Variants in FAM124A observed in about 807,000 individuals in gnomAD.
FAM124A encodes protein FAM124A.
FAM124A carries 23 observed loss-of-function variants against 24.5 expected under a neutral mutation model. The observed-to-expected ratio is 0.94, with a 90% CI of 0.68 to 1.33. FAM124A has a LOEUF of 1.33. Ranked by LOEUF, FAM124A falls within the 40% of genes most tolerant of loss-of-function variation. The probability of loss-of-function intolerance (pLI) is 0.00; values close to 1 mark genes in which losing one functional copy is unlikely to be tolerated. For synonymous variants in FAM124A, 287 were observed against 314.7 expected, an observed-to-expected ratio of 0.91 and a Z score of 0.93; for missense variants, 623 against 722.8, an observed-to-expected ratio of 0.86 and a Z score of 1.58.
chr13:51,265,839 T>C (rs367768996), intron 3 of FAM124A, among the ~76,000 whole-genome samples: 4 of 152,290 alleles, frequency 2.6e-5, no homozygotes, highest in African/African-American at 4.8e-5. Context: ...CTGACTGAGA[T>C]AGGAATTCAA....
rs143315968 is a variant in FAM124A at position 51,281,224 on chromosome 13, G to A, written c.1609G>A (p.Gly537Arg). 44 of 1,592,210 alleles carry A rather than the reference G, an allele frequency of 2.8e-5. No individual in the cohort carries two copies. The African/African-American group carries it at 3.0e-4, about 11-fold the overall frequency. The change falls in exon 4 of 4, where the codon GGG becomes AGG. Residue 537 changes from glycine to arginine, a missense_variant. By Grantham distance (125) the Gly-to-Arg change is moderately radical. Coordinates refer to ENST00000322475, the MANE Select transcript of FAM124A (RefSeq NM_001242312.2). Reference sequence around the variant, plus strand: ...ACCACCCCCAGGGTCGGCTGGCCCCGGGGATAACGACATGGAGGAATTCTA... The same window carrying A: ...ACCACCCCCAGGGTCGGCTGGCCCCAGGGATAACGACATGGAGGAATTCTA... ...MPPPPGSAGP[G>R]DNDMEEFYI is the part of the protein sequence containing the mutation.
At chr13:51,254,983 G>C (rs560440189) in intron 3 of FAM124A, among the ~76,000 whole-genome samples, 3 of 152,076 alleles carry the variant, frequency 2.0e-5, no homozygotes, top group East Asian at 3.9e-4. Context: ...CCAAAGAAAA[G>C]ATTCTTCCTC....
At chr13:51,274,212 A>G (rs1247194379) in intron 3 of FAM124A, among the ~76,000 whole-genome samples, 1 of 152,172 alleles carries the variant, frequency 6.6e-6, no homozygotes, top group Non-Finnish European at 1.5e-5. Flanking sequence ...AGTATCTCCT[A>G]GGATCCTTGC....
At chr13:51,268,363 A>G (rs1164539905) in intron 3 of FAM124A, among the ~76,000 whole-genome samples, 3 of 152,242 alleles carry the variant, frequency 2.0e-5, no homozygotes, top group Non-Finnish European at 4.4e-5. Context: ...TATTGAGTGA[A>G]GAAATAATTT....
Position 51,280,464 on chromosome 13 carries a change from T to A in FAM124A, c.849T>A (p.His283Gln). 1 of 1,606,190 alleles carries A rather than the reference T, an allele frequency of 6.2e-7. No homozygotes were observed. The highest frequency in any genetic ancestry group is 8.5e-7 in the Non-Finnish European group (1 of 1,175,292). Residue 283 changes from histidine to glutamine, a missense_variant, in exon 4 of 4, where the codon CAT becomes CAA. Physicochemically the swap from His to Gln is conservative, Grantham distance 24 (BLOSUM62 0). Coordinates refer to ENST00000322475, the MANE Select transcript of FAM124A (RefSeq NM_001242312.2). ...TCCCCCCACAGGCACAAAGGGTGCA[T>A]AAGAAGTTTCCTAAACCTGGCAGAG... is the stretch of plus-strand genomic sequence containing the variant. ...NKILLQAQRV[H>Q]KKFPKPGRVH...
At chr13:51,231,210 G>A (rs1246368464) in intron 1 of FAM124A, 138 bp from the exon 2 acceptor site, 2 of 865,088 alleles carry the variant, frequency 2.3e-6, no homozygotes, top group African/African-American at 3.4e-5. Context: ...TGCATAAAAT[G>A]AGCCTTAGCA....
At chr13:51,238,881 A>G (rs1320326143) in intron 2 of FAM124A, among the ~76,000 whole-genome samples, 1 of 152,254 alleles carries the variant, frequency 6.6e-6, no homozygotes, top group Non-Finnish European at 1.5e-5. Context: ...TAAGGACAGT[A>G]TATGACACAG....
At position 51,258,546 on chromosome 13, in the gene FAM124A, A is replaced by G. The variant is rs1193474445; in HGVS notation, c.834+6345A>G. Among the ~76,000 whole-genome samples, 14 of 152,182 alleles carry G rather than the reference A, an allele frequency of 9.2e-5. No homozygotes were observed. The highest frequency in any genetic ancestry group is 9.2e-4 in the Admixed American group (14 of 15,286). ...ATGCCAGGCTTCACCTTTCAGAGCA[A>G]TGGAGATGGCAGACATGCAAACCAA... On this transcript the variant is annotated intron_variant, in intron 3 of 3. Coordinates refer to ENST00000322475, the MANE Select transcript of FAM124A (RefSeq NM_001242312.2). The surrounding 1 kb of genome is among the most constrained non-coding windows in gnomAD (Gnocchi z 4.2).
chr13:51,243,359 C>T (rs12860899), intron 2 of FAM124A, among the ~76,000 whole-genome samples: 12,942 of 152,124 alleles, frequency 0.085, 795 homozygotes, highest in South Asian at 0.28. Context: ...CATTACATTC[C>T]GGATGAATAG....
chr13:51,230,760 G>A (rs988603448), intron 1 of FAM124A, among the ~76,000 whole-genome samples: 1 of 152,082 alleles, frequency 6.6e-6, no homozygotes, highest in Non-Finnish European at 1.5e-5. Context: ...TCCCTTTCCC[G>A]ATCACAGCTC....
intron 3 of FAM124A, among the ~76,000 whole-genome samples, chr13:51,265,100 A>G (rs1954771929): frequency 6.6e-6 from 1 of 152,152 alleles, no homozygotes; most frequent in Non-Finnish European, 1.5e-5. Flanking sequence ...GTCAGGGCTC[A>G]CTCAGAGGCT....
At position 51,280,934 on chromosome 13, in the gene FAM124A, C is replaced by T. The variant is rs369888482; in HGVS notation, c.1319C>T (p.Thr440Ile). Residue 440 changes from threonine (T) to isoleucine (I), a missense_variant, in exon 4 of 4, where the codon ACA (threonine) becomes ATA (isoleucine). By Grantham distance (89) the Thr-to-Ile change is moderately conservative. Transcript: ENST00000322475. ...TCTGCACCCAGTAGGTTCTGCAGCA[C>T]AGTGGAGACACCCCTCCCCTCCGAA... is the stretch of plus-strand genomic sequence containing the variant. ...AYSAPSRFCSTVETPLPSERC... is the reference protein window; with the variant it reads ...AYSAPSRFCSIVETPLPSERC... 8.2e-5 allele frequency: 132 copies of T among 1,614,170 alleles called. No homozygotes were observed. Among genetic ancestry groups the T allele is most frequent in the African/African-American group, 8.0e-4 (60 of 75,052 alleles).
rs374624217 is a variant in FAM124A, at chr13:51,252,158, G to A, written c.791G>A (p.Arg264His). The change falls in exon 3 of 4, where the codon CGC (arginine) becomes CAC (histidine). Residue 264 changes from arginine to histidine, a missense_variant. Transcript: ENST00000322475. ...PNPCSPISEG[R>H]WQTEDHDGNK... ...CCTTGCAGCCCCATCAGCGAGGGGC[G>A]CTGGCAGACGGAGGACCATGATGGG... 5.5e-5 allele frequency: 89 copies of A among 1,613,636 alleles called. No homozygotes were observed. Among genetic ancestry groups the A allele is most frequent in the Non-Finnish European group, 6.5e-5 (77 of 1,180,040 alleles).
At position 51,252,107 on chromosome 13, in the gene FAM124A, G is replaced by A; in HGVS notation, c.740G>A (p.Gly247Asp). Residue 247 changes from glycine to aspartate, a missense_variant, in exon 3 of 4, where the codon GGC becomes GAC. Coordinates refer to ENST00000322475, the MANE Select transcript of FAM124A (RefSeq NM_001242312.2). ...SVLEFRVRDIGELVPLLPNPC... is the reference protein window; with the variant it reads ...SVLEFRVRDIDELVPLLPNPC... Reference sequence around the variant, plus strand: ...CTGGAGTTCCGAGTGAGGGACATAGGCGAGCTCGTGCCTCTCCTGCCCAAC... The same window carrying A: ...CTGGAGTTCCGAGTGAGGGACATAGACGAGCTCGTGCCTCTCCTGCCCAAC... 6.2e-7 allele frequency: 1 copy of A among 1,614,068 alleles called. No individual in the cohort carries two copies. Among genetic ancestry groups the A allele is most frequent in the Non-Finnish European group, 8.5e-7 (1 of 1,180,044 alleles).
In FAM124A at chr13:51,270,798, C is replaced by T. The variant is rs192424496; in HGVS notation, c.835-9652C>T. On this transcript the variant is annotated intron_variant, in intron 3 of 3. Coordinates refer to ENST00000322475, the MANE Select transcript of FAM124A (RefSeq NM_001242312.2). ...TCAGCCTGAGTCTTTGTCCTGTGGG[C>T]GGTTAGTTGATCTCTTCTGATGTAG... Among the ~76,000 whole-genome samples, 309 of 152,256 alleles carry T rather than the reference C, an allele frequency of 2.0e-3. 5 individuals are homozygous for T. In the South Asian group the frequency reaches 0.032, roughly 16 times the overall value.
At chr13:51,262,483 G>A (rs1886096) in intron 3 of FAM124A, among the ~76,000 whole-genome samples, 103,671 of 150,912 alleles carry the variant, frequency 0.69, 36,430 homozygotes, top group East Asian at 0.9. Context: ...CTACATGTCA[G>A]TTTTTTTTCT....
intron 2 of FAM124A, among the ~76,000 whole-genome samples, chr13:51,249,629 T>C (rs1954598464): frequency 6.6e-6 from 1 of 152,248 alleles, no homozygotes; most frequent in Non-Finnish European, 1.5e-5. Flanking sequence ...TTGTTACAAG[T>C]TAGTACTTTA....
intron 3 of FAM124A, among the ~76,000 whole-genome samples, chr13:51,261,399 G>A (rs996302584): frequency 2.0e-5 from 3 of 152,176 alleles, no homozygotes; most frequent in Non-Finnish European, 2.9e-5. Context: ...GGGTCATTTC[G>A]TCTATGCCAG....
At chr13:51,228,950 AG>A (rs1477641456) in intron 1 of FAM124A, among the ~76,000 whole-genome samples, 4 of 152,368 alleles carry the variant, frequency 2.6e-5, no homozygotes, top group Middle Eastern at 6.8e-3. Context: ...AGCCAACAAA[AG>A]GGTTGAATAA....
Sources: allele counts gnomAD v4.1 joint callset (sites outside exome capture counted in the v4.1 genomes callset), GRCh38; gene constraint gnomAD v4.1.1; non-coding constraint Gnocchi (gnomAD v3.1); transcripts MANE v1.5; gene names NCBI Gene and HGNC (gene_info 2026-07-23, HGNC 2026-07-21).